The following SORL1 variants were observed in gnomAD, a reference collection of about 807,000 sequenced individuals.
SORL1 encodes sortilin related receptor 1, also known as sortilin-related receptor.
A neutral mutation model predicts 273.7 loss-of-function variants in SORL1; 127 were observed. That is an observed-to-expected ratio of 0.46 (90% CI 0.40 to 0.54). SORL1 has a LOEUF of 0.54. Ranked by LOEUF, SORL1 falls within the 20% of genes least tolerant of loss-of-function variation. The pLI is 0.00. For synonymous variants in SORL1, 1,031 were observed against 1,067.4 expected (o/e 0.97, Z 0.66); for missense variants, 2,494 against 2,846.1 (o/e 0.88, Z 2.81).
chr11:121,523,908 T>C (rs1036066289), intron 11 of SORL1, among the ~76,000 whole-genome samples: 2 of 152,312 alleles, frequency 1.3e-5, no homozygotes, highest in East Asian at 3.9e-4. Context: ...CCTTGATATT[T>C]GAATAGGTAA....
chr11:121,487,138 A>T (rs1861485976), intron 3 of SORL1, among the ~76,000 whole-genome samples: 1 of 152,004 alleles, frequency 6.6e-6, no homozygotes, highest in Admixed American at 6.5e-5. Flanking sequence ...CACTCATAGG[A>T]CTCTGGTCAT....
rs1386684659 is a variant in SORL1 at position 121,595,515 on chromosome 11, C to T, written c.4370-108C>T. 1 of 995,460 alleles carries T rather than the reference C, an allele frequency of 1.0e-6. No homozygotes were observed. The highest frequency in any genetic ancestry group is 1.5e-6 in the Non-Finnish European group (1 of 665,086). 61.7% of individuals were successfully genotyped at this position (995,460 alleles called of 1,614,324 possible). ...GGAACTCGCATTTGTCTTCAGGTTC[C>T]CATTGTAATTTCTAAAGCACCGTAA... is the stretch of plus-strand genomic sequence containing the variant. On this transcript the variant is annotated intron_variant, in intron 31 of 47. Coordinates refer to ENST00000260197, the MANE Select transcript of SORL1 (RefSeq NM_003105.6). This position sits in a 1 kb window ranked among gnomAD's most constrained non-coding sequence, Gnocchi z 5.1.
chr11:121,516,130 A>C (rs1042009146), intron 8 of SORL1, among the ~76,000 whole-genome samples: 3 of 152,224 alleles, frequency 2.0e-5, no homozygotes, highest in Non-Finnish European at 4.4e-5. Context: ...TATCTTTTAC[A>C]GGAGTTATCC....
intron 12 of SORL1, among the ~76,000 whole-genome samples, chr11:121,536,201 A>G (rs1371942953): frequency 2.0e-5 from 3 of 152,136 alleles, no homozygotes; most frequent in Non-Finnish European, 4.4e-5. Flanking sequence ...GAAATCCTGA[A>G]AAGCCCCTGA....
rs373830505 is a variant in SORL1, at chr11:121,583,534, C to T, written c.3657C>T (p.Asp1219=). ...GHCIPQRWAC[D]GDTDCQDGSD... ...GCATCCCCCAGCGGTGGGCGTGTGA[C>T]GGGGATACGGACTGCCAGGATGGTT... Residue 1219 remains aspartate, a synonymous_variant, in exon 26 of 48, where the codon GAC becomes GAT. Transcript: ENST00000260197. The T allele has an allele frequency of 2.8e-5, 45 of 1,612,380 alleles. No homozygotes were observed. Among genetic ancestry groups the T allele is most frequent in the Admixed American group, 1.0e-4 (6 of 59,806 alleles).
rs74457282 is a variant in SORL1, at chr11:121,516,046, A to G, written c.1211+1725A>G. On this transcript the variant is annotated intron_variant, in intron 8 of 47. Transcript: ENST00000260197. Reference sequence around the variant, plus strand: ...TTTTCCGTTAAAATCTGTGAATTGCATTATATAATGAAAAGAATATAACAC... The same window carrying G: ...TTTTCCGTTAAAATCTGTGAATTGCGTTATATAATGAAAAGAATATAACAC... Among the ~76,000 whole-genome samples the G allele has an allele frequency of 4.0e-3, 607 of 152,386 alleles. 5 individuals carry two copies. Among genetic ancestry groups the G allele is most frequent in the African/African-American group, 0.013 (559 of 41,594 alleles).
chr11:121,520,916 C>T (rs1862032570), intron 9 of SORL1, 67 bp downstream of exon 9: 3 of 1,127,060 alleles, frequency 2.7e-6, no homozygotes, highest in South Asian at 1.8e-5. Flanking sequence ...GTGGTAGTTT[C>T]CTATGTCTAG....
At chr11:121,517,652 G>T (rs897504226) in intron 8 of SORL1, among the ~76,000 whole-genome samples, 1 of 152,194 alleles carries the variant, frequency 6.6e-6, no homozygotes, top group Non-Finnish European at 1.5e-5. Flanking sequence ...AAGCCAGAGC[G>T]ATGGCCCTTT....
chr11:121,466,820 T>C (rs903078301), intron 1 of SORL1, among the ~76,000 whole-genome samples: 5 of 152,106 alleles, frequency 3.3e-5, no homozygotes, highest in Non-Finnish European at 5.9e-5. Flanking sequence ...GGAGCTGAGC[T>C]GTTCCTGCGA....
At chr11:121,589,972 C>A in intron 29 of SORL1, 68 bp from the exon 30 acceptor site, 1 of 1,569,908 alleles carries the variant, frequency 6.4e-7, no homozygotes, top group South Asian at 1.2e-5. Flanking sequence ...AGGAGGATGC[C>A]TAGAGTTGGA....
intron 21 of SORL1, among the ~76,000 whole-genome samples, chr11:121,564,416 A>G (rs1862723796): frequency 6.6e-6 from 1 of 152,206 alleles, no homozygotes; most frequent in Non-Finnish European, 1.5e-5. Flanking sequence ...CTCCTGAAAT[A>G]TGATACCCCA....
intron 21 of SORL1, among the ~76,000 whole-genome samples, chr11:121,562,419 A>G (rs1398039088): frequency 6.6e-6 from 1 of 152,214 alleles, no homozygotes; most frequent in African/African-American, 2.4e-5. Flanking sequence ...AAAAATATAT[A>G]TGGAAGATTC....
At chr11:121,482,688 C>T (rs920333850) in intron 3 of SORL1, among the ~76,000 whole-genome samples, 1 of 152,250 alleles carries the variant, frequency 6.6e-6, no homozygotes, top group South Asian at 2.1e-4. Context: ...AACAGCAGGG[C>T]GCTCTGCCTA....
rs749373526 is a variant in SORL1, at chr11:121,514,163, C to T, written c.1053C>T (p.Ile351=). The T allele has an allele frequency of 4.0e-5, 65 of 1,612,770 alleles. No homozygotes were observed. The highest frequency in any genetic ancestry group is 5.2e-5 in the Non-Finnish European group (61 of 1,179,644). Residue 351 remains isoleucine, a synonymous_variant, in exon 8 of 48, where the codon ATC becomes ATT. Transcript: ENST00000260197. Reference sequence around the variant, plus strand: ...TTTTGATTCCAAAGGAATATTACATCGCAGATGCCTCCGAGGACCAGGTGT... The same window carrying T: ...TTTTGATTCCAAAGGAATATTACATTGCAGATGCCTCCGAGGACCAGGTGT... ...VTRHPINEYY[I]ADASEDQVFV...
intron 3 of SORL1, among the ~76,000 whole-genome samples, chr11:121,482,965 T>C (rs971727453): frequency 4.0e-4 from 61 of 152,360 alleles, no homozygotes; most frequent in African/African-American, 1.3e-3. Context: ...CACTTCCTTC[T>C]TGGTCTCCTG....
intron 43 of SORL1, among the ~76,000 whole-genome samples, chr11:121,620,567 T>C (rs1179770914): frequency 1.3e-5 from 2 of 152,192 alleles, no homozygotes; most frequent in African/African-American, 4.8e-5. Context: ...CACTTCCTTG[T>C]CATGATTGAA....
chr11:121,585,949 G>A (rs903609306), intron 26 of SORL1, among the ~76,000 whole-genome samples: 1 of 152,148 alleles, frequency 6.6e-6, no homozygotes, highest in African/African-American at 2.4e-5. Flanking sequence ...TTTTCAACCT[G>A]TTACAAACAG....
intron 6 of SORL1, among the ~76,000 whole-genome samples, chr11:121,501,169 A>T (rs1017868868): frequency 1.3e-5 from 2 of 152,268 alleles, no homozygotes; most frequent in Non-Finnish European, 2.9e-5. Context: ...TTTACAGATT[A>T]AAAATAAAAC....
intron 18 of SORL1, among the ~76,000 whole-genome samples, chr11:121,555,785 T>G (rs1332000175): frequency 6.6e-6 from 1 of 152,142 alleles, no homozygotes; most frequent in African/African-American, 2.4e-5. Context: ...TAATCCCCAT[T>G]TCTCTGCAAC....
Sources: allele counts gnomAD v4.1 joint callset (sites outside exome capture counted in the v4.1 genomes callset), GRCh38; gene constraint gnomAD v4.1.1; non-coding constraint Gnocchi (gnomAD v3.1); transcripts MANE v1.5; gene names NCBI Gene and HGNC (gene_info 2026-07-23, HGNC 2026-07-21).